CTNNA2: variants seen among roughly 807,000 people sequenced by gnomAD.
CTNNA2 encodes catenin alpha-2.
A neutral mutation model predicts 101.0 loss-of-function variants in CTNNA2; 42 were observed. The observed-to-expected ratio is 0.42, with a 90% CI of 0.32 to 0.54. The LOEUF is 0.54. Ranked by LOEUF, CTNNA2 falls within the 20% of genes least tolerant of loss-of-function variation. CTNNA2 has a pLI of 0.14. For synonymous variants in CTNNA2, 450 were observed against 456.4 expected (o/e 0.99, Z 0.18); for missense variants, 871 against 1,223.1 (o/e 0.71, Z 4.29).
At chr2:79,466,239 C>T (rs1397551660) in intron 4 of CTNNA2, among the ~76,000 whole-genome samples, 1 of 152,232 alleles carries the variant, frequency 6.6e-6, no homozygotes, top group Non-Finnish European at 1.5e-5. Flanking sequence ...ATATCCTGCA[C>T]CTGGCTTGGA....
chr2:79,651,881 G>C (rs1268298923), intron 2 of CTNNA2, among the ~76,000 whole-genome samples: 1 of 152,166 alleles, frequency 6.6e-6, no homozygotes, highest in Non-Finnish European at 1.5e-5. Context: ...AAGTTGATGA[G>C]ATAATTGAAG....
chr2:79,242,178 T>C (rs898231558), intron 2 of CTNNA2, among the ~76,000 whole-genome samples: 1 of 152,164 alleles, frequency 6.6e-6, no homozygotes, highest in Non-Finnish European at 1.5e-5. Flanking sequence ...AGTGCTGGGA[T>C]TATAGGCTTG....
chr2:79,372,891 T>C (rs1677904184), intron 3 of CTNNA2, among the ~76,000 whole-genome samples: 1 of 152,230 alleles, frequency 6.6e-6, no homozygotes, highest in Non-Finnish European at 1.5e-5. Flanking sequence ...CTAAAACTTT[T>C]TAAACCTGGA....
rs137970334 is a variant in CTNNA2 at position 80,210,300 on chromosome 2, T to C, written c.1057-182911T>C. ...ACATATGTATACATGTGCCATGTTGTTGTCCTGCACCCATTAACTCGTCAT... is the reference window on the plus strand; with the variant it reads ...ACATATGTATACATGTGCCATGTTGCTGTCCTGCACCCATTAACTCGTCAT... On this transcript the variant is annotated intron_variant, in intron 7 of 18. Transcript: ENST00000402739. 5.2e-3 allele frequency among the ~76,000 whole-genome samples: 787 copies of C among 152,276 alleles called. 5 individuals are homozygous for C. The highest frequency in any genetic ancestry group is 0.018 in the African/African-American group (731 of 41,548).
intron 3 of CTNNA2, among the ~76,000 whole-genome samples, chr2:79,840,822 T>A (rs902472008): frequency 2.0e-5 from 3 of 150,074 alleles, no homozygotes; most frequent in African/African-American, 7.3e-5. Flanking sequence ...CGGACTGCAG[T>A]GGCGTGGCGC....
chr2:80,375,862 CTTCA>C (rs1234203053), intron 7 of CTNNA2, among the ~76,000 whole-genome samples: 6 of 151,984 alleles, frequency 3.9e-5, no homozygotes, highest in Non-Finnish European at 7.4e-5. Flanking sequence ...CATGCCTGGC[CTTCA>C]AGTCAGACTT....
At chr2:79,755,999 A>T (rs1334648507) in intron 3 of CTNNA2, among the ~76,000 whole-genome samples, 1 of 152,312 alleles carries the variant, frequency 6.6e-6, no homozygotes, top group East Asian at 1.9e-4. Flanking sequence ...CAATAGGTTC[A>T]TCTGTTGCAT....
chr2:79,593,037 G>A (rs1486697599), intron 1 of CTNNA2, among the ~76,000 whole-genome samples: 1 of 152,216 alleles, frequency 6.6e-6, no homozygotes, highest in Non-Finnish European at 1.5e-5. Flanking sequence ...TCGTCCATCT[G>A]TGGGCAAAGG....
chr2:80,060,599 A>G (rs900905602), intron 7 of CTNNA2, among the ~76,000 whole-genome samples: 4 of 152,128 alleles, frequency 2.6e-5, no homozygotes, highest in Non-Finnish European at 5.9e-5. Context: ...TCTGCTATGA[A>G]GAGTTGTATA....
intron 2 of CTNNA2, among the ~76,000 whole-genome samples, chr2:79,286,870 T>C (rs991738696): frequency 6.6e-6 from 1 of 152,222 alleles, no homozygotes; most frequent in African/African-American, 2.4e-5. Flanking sequence ...GGTTCCATTC[T>C]CTCCGTCACT....
chr2:80,191,305 A>G (rs1706484693), intron 7 of CTNNA2, among the ~76,000 whole-genome samples: 3 of 152,236 alleles, frequency 2.0e-5, no homozygotes, highest in Admixed American at 1.3e-4. Flanking sequence ...CAGTATTCCA[A>G]CAAACCCCAG....
At chr2:79,216,929 G>T (rs1376731342) in intron 2 of CTNNA2, among the ~76,000 whole-genome samples, 1 of 152,136 alleles carries the variant, frequency 6.6e-6, no homozygotes, top group Non-Finnish European at 1.5e-5. Flanking sequence ...TAATCAGAGA[G>T]GCGTCCCTGC....
intron 3 of CTNNA2, among the ~76,000 whole-genome samples, chr2:79,784,303 T>C (rs972218): frequency 0.43 from 65,818 of 151,674 alleles, 18,234 homozygotes; most frequent in African/African-American, 0.77. Context: ...ATTCCCCAAC[T>C]CTAAAGGCCG....
At chr2:80,579,528 C>T (rs1695349941) in intron 13 of CTNNA2, 1 of 152,174 alleles carries the variant, frequency 6.6e-6, no homozygotes, top group Non-Finnish European at 1.5e-5. Flanking sequence ...TCTCTGTCCA[C>T]AATAAAAATA....
intron 15 of CTNNA2, among the ~76,000 whole-genome samples, chr2:80,592,134 T>G (rs1223329983): frequency 6.6e-6 from 1 of 152,184 alleles, no homozygotes; most frequent in Non-Finnish European, 1.5e-5. Flanking sequence ...CTTCAACAGT[T>G]TTGAGACTAA....
chr2:80,341,975 T>A (rs1227706369), intron 7 of CTNNA2, among the ~76,000 whole-genome samples: 1 of 152,174 alleles, frequency 6.6e-6, no homozygotes, highest in Admixed American at 6.5e-5. Context: ...TAGACGAACC[T>A]TAAAAACATT....
At chr2:79,260,885 T>C (rs1674912927) in intron 2 of CTNNA2, among the ~76,000 whole-genome samples, 1 of 152,142 alleles carries the variant, frequency 6.6e-6, no homozygotes, top group Non-Finnish European at 1.5e-5. Context: ...ATTCAAATTA[T>C]AATGGTAGAT....
intron 1 of CTNNA2, among the ~76,000 whole-genome samples, chr2:79,625,443 T>C (rs1008734227): frequency 5.9e-5 from 9 of 152,124 alleles, no homozygotes; most frequent in Admixed American, 3.9e-4. Context: ...CAGTGAACAA[T>C]GGTAGAATAT....
intron 7 of CTNNA2, among the ~76,000 whole-genome samples, chr2:80,001,623 A>G (rs73940906): frequency 0.043 from 6,475 of 152,232 alleles, 408 homozygotes; most frequent in African/African-American, 0.14. Context: ...ATGTTTAACC[A>G]AGGAGTGTTT....
Sources: gnomAD v4.1 joint callset for allele counts (sites outside exome capture counted in the v4.1 genomes callset) on GRCh38, gnomAD v4.1.1 for gene constraint, MANE v1.5 for transcripts, NCBI Gene and HGNC (gene_info 2026-07-23, HGNC 2026-07-21) for gene names.